The following DISC1 variants were observed in gnomAD, a reference collection of about 807,000 sequenced individuals.
DISC1 encodes the protein disrupted in schizophrenia 1 protein.
A neutral mutation model predicts 84.5 loss-of-function variants in DISC1; 57 were observed. That is an observed-to-expected ratio of 0.67 (90% confidence interval 0.55 to 0.84). The LOEUF is 0.84. Ranked by LOEUF, DISC1 falls within the 40% of genes least tolerant of loss-of-function variation. The pLI is 0.00. For missense variants in DISC1, 1,000 were observed against 1,057.8 expected (o/e 0.95, Z 0.76); for synonymous variants, 411 against 415.2 (o/e 0.99, Z 0.12).
chr1:231,904,341 G>T (rs2088453362), intron 9 of DISC1, among the ~76,000 whole-genome samples: 1 of 151,666 alleles, frequency 6.6e-6, no homozygotes, highest in South Asian at 2.1e-4. Context: ...TTTCTTTCTT[G>T]AACAATTTAG....
chr1:232,010,013 G>A (rs1667887854), intron 11 of DISC1, among the ~76,000 whole-genome samples: 3 of 152,176 alleles, frequency 2.0e-5, no homozygotes, highest in Admixed American at 6.5e-5. Context: ...CCATCTGCAG[G>A]ACCATGGCCT....
chr1:231,872,511 G>A (rs1317766982), intron 9 of DISC1, among the ~76,000 whole-genome samples: 2 of 152,150 alleles, frequency 1.3e-5, no homozygotes, highest in East Asian at 3.9e-4. Context: ...CAGCTTTAAA[G>A]TGTCTACATC....
At chr1:231,671,636 G>A (rs201494591) in intron 1 of DISC1, among the ~76,000 whole-genome samples, 5 of 152,162 alleles carry the variant, frequency 3.3e-5, no homozygotes, top group Non-Finnish European at 7.3e-5. Context: ...ATTGGTTTTA[G>A]TATCTGCCAT....
At chr1:231,918,101 G>A (rs1156781416) in intron 9 of DISC1, among the ~76,000 whole-genome samples, 1 of 152,230 alleles carries the variant, frequency 6.6e-6, no homozygotes, top group African/African-American at 2.4e-5. Flanking sequence ...GTGGTGTGTG[G>A]CTGTGGCCCC....
At position 231,694,075 on chromosome 1, in the gene DISC1, C is replaced by T. The variant is rs1450009486; in HGVS notation, c.317C>T (p.Pro106Leu). ...CCTGTTTCCAAGAGTGCAGCAGCCC[C>T]TACTGTGACCTCTGTGAGAGGAACC... ...RSPVSKSAAA[P>L]TVTSVRGTSA... Residue 106 changes from proline to leucine, a missense_variant, in exon 2 of 13, where the codon CCT (proline) becomes CTT (leucine). Physicochemically the swap from Pro to Leu is moderately conservative, Grantham distance 98. Transcript: ENST00000439617. The T allele has an allele frequency of 6.2e-7, 1 of 1,614,194 alleles. No homozygotes were observed. The highest frequency in any genetic ancestry group is 1.1e-5 in the South Asian group (1 of 91,086).
intron 3 of DISC1, among the ~76,000 whole-genome samples, chr1:231,711,275 T>A (rs1351439767): frequency 6.6e-6 from 1 of 151,872 alleles, no homozygotes; most frequent in African/African-American, 2.4e-5. Flanking sequence ...ACATAAATAG[T>A]ACAAATATGT....
chr1:231,665,982 G>A (rs2061982715), intron 1 of DISC1, among the ~76,000 whole-genome samples: 1 of 152,116 alleles, frequency 6.6e-6, no homozygotes, highest in Non-Finnish European at 1.5e-5. Flanking sequence ...TCCACTTAAG[G>A]CCATGCCATG....
chr1:231,765,642 T>C lies in DISC1; in HGVS notation c.1269-1498T>C, dbSNP rs201650056. ...CATTAGAAATGGATTGTTTTAAGGGTGAATTTGTCATTCTTTGGTGACAAA... is the reference window on the plus strand; with the variant it reads ...CATTAGAAATGGATTGTTTTAAGGGCGAATTTGTCATTCTTTGGTGACAAA... On this transcript the variant is annotated intron_variant, in intron 4 of 12. Transcript: ENST00000439617. Among the ~76,000 whole-genome samples the C allele has an allele frequency of 2.5e-3, 385 of 152,274 alleles. 1 individual carries two copies. The highest frequency in any genetic ancestry group is 4.3e-3 in the Non-Finnish European group (290 of 68,018).
intron 9 of DISC1, among the ~76,000 whole-genome samples, chr1:231,955,506 GA>G: frequency 8.0e-6 from 1 of 124,632 alleles, no homozygotes; most frequent in African/African-American, 3.5e-5. Context: ...TTTTTTTTTG[GA>G]AACAGAGTTT....
intron 10 of DISC1, among the ~76,000 whole-genome samples, chr1:232,002,639 A>ACACACACAC (rs1558825627): frequency 7.3e-6 from 1 of 136,702 alleles, no homozygotes; most frequent in African/African-American, 3.5e-5. Flanking sequence ...ACACACACAC[A>ACACACACAC]AAAGCCAATC....
chr1:231,989,260 C>A (rs1664868046), intron 10 of DISC1, among the ~76,000 whole-genome samples: 1 of 152,242 alleles, frequency 6.6e-6, no homozygotes, highest in Non-Finnish European at 1.5e-5. Context: ...GGTCTTCCTG[C>A]TGTTTCAGCT....
chr1:232,003,162 A>G (rs1243135641), intron 10 of DISC1, among the ~76,000 whole-genome samples: 1 of 152,206 alleles, frequency 6.6e-6, no homozygotes, highest in Non-Finnish European at 1.5e-5. Context: ...ATGAGAGTAC[A>G]TGGGTTAAAA....
At position 232,025,985 on chromosome 1, in the gene DISC1, A is replaced by G. The variant is rs201982696; in HGVS notation, c.2308-450A>G. On this transcript the variant is annotated intron_variant, in intron 11 of 12. Coordinates refer to ENST00000439617, the MANE Select transcript of DISC1 (RefSeq NM_018662.3). ...CATTCAGGGACTGTGGTCAGTGTGT[A>G]AACAAATGTTCAGTGCCCTAGTCAA... Among the ~76,000 whole-genome samples, 44 of 152,246 alleles carry G rather than the reference A, an allele frequency of 2.9e-4. 1 individual carries two copies. Among genetic ancestry groups the G allele is most frequent in the Middle Eastern group, 3.4e-3 (1 of 294 alleles).
At chr1:232,010,421 C>G (rs901540061) in intron 11 of DISC1, among the ~76,000 whole-genome samples, 2 of 152,070 alleles carry the variant, frequency 1.3e-5, no homozygotes, top group East Asian at 1.9e-4. Flanking sequence ...AGTGAGCTAC[C>G]AGGAGGAGCT....
chr1:231,874,772 G>A (rs1443069735), intron 9 of DISC1, among the ~76,000 whole-genome samples: 1 of 151,786 alleles, frequency 6.6e-6, no homozygotes, highest in Non-Finnish European at 1.5e-5. Context: ...TTAGCCAGGC[G>A]TGGTGGCGGG....
intron 9 of DISC1, among the ~76,000 whole-genome samples, chr1:231,947,211 A>G (rs973966274): frequency 6.6e-6 from 1 of 152,232 alleles, no homozygotes; most frequent in Non-Finnish European, 1.5e-5. Context: ...AAACTATACT[A>G]CAAGCTTACA....
intron 10 of DISC1, among the ~76,000 whole-genome samples, chr1:232,000,439 C>T (rs1400255534): frequency 6.6e-6 from 1 of 152,062 alleles, no homozygotes; most frequent in Non-Finnish European, 1.5e-5. Context: ...TGAACAGAGC[C>T]TCTGGGCTCT....
rs1195202425 is a variant in DISC1 at position 232,031,642 on chromosome 1, A to C, written c.2426-5050A>C. Reference sequence around the variant, plus strand: ...TCCTTAGGCTCTCACTTGGCTTTGGAGTGGGACGGGGAAGAGTTGGAGCCC... The same window carrying C: ...TCCTTAGGCTCTCACTTGGCTTTGGCGTGGGACGGGGAAGAGTTGGAGCCC... On this transcript the variant is annotated intron_variant, in intron 12 of 12. Transcript: ENST00000439617. This position sits in a 1 kb window ranked among gnomAD's most constrained non-coding sequence, Gnocchi z 4.6. Among the ~76,000 whole-genome samples the C allele has an allele frequency of 6.6e-6, 1 of 152,092 alleles. No individual in the cohort carries two copies. Among genetic ancestry groups the C allele is most frequent in the Non-Finnish European group, 1.5e-5 (1 of 68,012 alleles).
intron 9 of DISC1, among the ~76,000 whole-genome samples, chr1:231,918,392 C>G (rs1308478583): frequency 3.9e-5 from 6 of 152,220 alleles, no homozygotes; most frequent in Non-Finnish European, 8.8e-5. Flanking sequence ...TACATACACT[C>G]TCTGACCTCT....
Sources: allele counts gnomAD v4.1 joint callset (sites outside exome capture counted in the v4.1 genomes callset), GRCh38; gene constraint gnomAD v4.1.1; non-coding constraint Gnocchi (gnomAD v3.1); transcripts MANE v1.5; gene names NCBI Gene and HGNC (gene_info 2026-07-23, HGNC 2026-07-21).